The following TCF20 variants were observed in gnomAD, a reference collection of about 807,000 sequenced individuals.
TCF20 encodes the protein transcription factor 20, also known as SPRE-binding protein.
Under a neutral mutation model 148.6 loss-of-function variants are expected in TCF20, and 3 were observed. The observed-to-expected ratio is 0.02, with a 90% confidence interval of 0.01 to 0.05. TCF20 has a LOEUF of 0.05. Among genes scored for constraint, TCF20 ranks in the 10% least tolerant of loss-of-function variants. The pLI is 1.00. For missense variants in TCF20, 2,350 were observed against 2,429.3 expected, an observed-to-expected ratio of 0.97 and a Z score of 0.69; for synonymous variants, 1,049 against 909.5, an observed-to-expected ratio of 1.15 and a Z score of -2.76.
intron 2 of TCF20, among the ~76,000 whole-genome samples, chr22:42,199,701 C>G (rs897451932): frequency 1.3e-4 from 11 of 83,018 alleles, no homozygotes; most frequent in Non-Finnish European, 2.5e-4. Flanking sequence ...AAAACCCCAT[C>G]TCTACAAAAA....
At chr22:42,334,573 G>C (rs944909508) in intron 1 of TCF20, among the ~76,000 whole-genome samples, 1 of 152,260 alleles carries the variant, frequency 6.6e-6, no homozygotes. Context: ...AGGTGGTTCC[G>C]AGTCAACAAC....
chr22:42,182,698 C>CA (rs1326083688), intron 2 of TCF20, among the ~76,000 whole-genome samples: 1 of 152,212 alleles, frequency 6.6e-6, no homozygotes, highest in Non-Finnish European at 1.5e-5. Context: ...GGAACAGCAG[C>CA]ATCAGCAACA....
rs1490639339 is a variant in TCF20, at chr22:42,317,529, T to C, written c.-37+25950A>G. On this transcript the variant is annotated intron_variant, in intron 1 of 1. Coordinates refer to the TCF20 transcript ENST00000515426. This position sits in a 1 kb window ranked among gnomAD's most constrained non-coding sequence, Gnocchi z 4.2. ...CATTACCCACTCACTACCTGGTACA[T>C]GGGCAAAGAAAAATACCCCCATCTC... 6.6e-6 allele frequency among the ~76,000 whole-genome samples: 1 copy of C among 152,068 alleles called. No homozygotes were observed. Among genetic ancestry groups the C allele is most frequent in the African/African-American group, 2.4e-5 (1 of 41,402 alleles).
intron 5 of TCF20, among the ~76,000 whole-genome samples, chr22:42,166,759 T>C (rs1333653225): frequency 1.3e-5 from 2 of 152,020 alleles, no homozygotes; most frequent in East Asian, 3.9e-4. Flanking sequence ...CAGATGCAAT[T>C]CCAGGACAAA....
chr22:42,163,564 C>T (rs1347147007), intron 5 of TCF20, among the ~76,000 whole-genome samples: 4 of 152,226 alleles, frequency 2.6e-5, no homozygotes, highest in Admixed American at 6.5e-5. Flanking sequence ...TCTGCCTGAC[C>T]CCCATCTTCA....
At chr22:42,229,571 A>T (rs1011554434) in intron 1 of TCF20, among the ~76,000 whole-genome samples, 3 of 152,160 alleles carry the variant, frequency 2.0e-5, no homozygotes, top group African/African-American at 7.2e-5. Flanking sequence ...GAGGGTCAGA[A>T]GATAGGGTGC....
chr22:42,292,141 C>T lies in TCF20; in HGVS notation c.-37+51338G>A, dbSNP rs1927144820. On this transcript the variant is annotated intron_variant, in intron 1 of 1. Coordinates refer to the TCF20 transcript ENST00000515426. The surrounding 1 kb of genome is among the most constrained non-coding windows in gnomAD (Gnocchi z 4.9). ...AGATAAAGAAACTTAGCACAGCACC[C>T]ATAGGCCCTCCTGTCATGCTGGGCT... 1.3e-5 allele frequency among the ~76,000 whole-genome samples: 2 copies of T among 152,202 alleles called. No individual in the cohort carries two copies. Among genetic ancestry groups the T allele is most frequent in the Non-Finnish European group, 2.9e-5 (2 of 68,030 alleles).
At chr22:42,336,942 C>T (rs572898725) in intron 1 of TCF20, among the ~76,000 whole-genome samples, 27 of 152,356 alleles carry the variant, frequency 1.8e-4, no homozygotes, top group African/African-American at 5.5e-4. Context: ...CCCATAGCCA[C>T]GTATCTTCTT....
chr22:42,235,081 G>A (rs1422839967), intron 1 of TCF20, among the ~76,000 whole-genome samples: 1 of 150,522 alleles, frequency 6.6e-6, no homozygotes, highest in African/African-American at 2.4e-5. Flanking sequence ...GACAGAAGTT[G>A]CAGTGAGCCG....
intron 5 of TCF20, among the ~76,000 whole-genome samples, chr22:42,165,394 G>A (rs554161629): frequency 3.3e-5 from 5 of 152,360 alleles, no homozygotes; most frequent in African/African-American, 7.2e-5. Context: ...CACAGGGCCT[G>A]TTAGGGCAAG....
chr22:42,239,709 C>T (rs751355835), intron 1 of TCF20, among the ~76,000 whole-genome samples: 7 of 152,252 alleles, frequency 4.6e-5, no homozygotes, highest in Non-Finnish European at 8.8e-5. Flanking sequence ...ATCGCTAGAA[C>T]CCAGGAGGTG....
At chr22:42,289,971 C>A (rs1214155122) in intron 1 of TCF20, among the ~76,000 whole-genome samples, 1 of 152,280 alleles carries the variant, frequency 6.6e-6, no homozygotes, top group Non-Finnish European at 1.5e-5. Flanking sequence ...CGAACTCCCA[C>A]CGCTAATCGC....
intron 1 of TCF20, among the ~76,000 whole-genome samples, chr22:42,282,892 C>G (rs1274567531): frequency 1.2e-5 from 1 of 86,856 alleles, no homozygotes; most frequent in Non-Finnish European, 3.0e-5. Context: ...AAGGGAGGGC[C>G]AAATAAAGCC....
intron 1 of TCF20, among the ~76,000 whole-genome samples, chr22:42,314,411 C>T (rs1927593047): frequency 6.6e-6 from 1 of 152,258 alleles, no homozygotes; most frequent in Non-Finnish European, 1.5e-5. Context: ...AAAATGATTT[C>T]CCCATGGCCA....
At position 42,338,150 on chromosome 22, in the gene TCF20, C is replaced by T. The variant is rs955799809; in HGVS notation, c.-37+5329G>A. Among the ~76,000 whole-genome samples the T allele has an allele frequency of 2.0e-5, 3 of 152,220 alleles. No homozygotes were observed. Among genetic ancestry groups the T allele is most frequent in the African/African-American group, 7.2e-5 (3 of 41,460 alleles). On this transcript the variant is annotated intron_variant, in intron 1 of 1. Transcript: ENST00000515426. This position sits in a 1 kb window ranked among gnomAD's most constrained non-coding sequence, Gnocchi z 4.0. ...CACAACTCCCGCCTCGGTCTCCACG[C>T]GTCCCCTGAGATCCCCCACCGCCCT...
chr22:42,242,227 A>AAAAAAAAAAAAAAAAAAAAAAAAAAAAT lies in TCF20; in HGVS notation c.-36-26887_-36-26886insATTTTTTTTTTTTTTTTTTTTTTTTTTT, dbSNP rs1491280192. Among the ~76,000 whole-genome samples the AAAAAAAAAAAAAAAAAAAAAAAAAAAAT allele has an allele frequency of 4.0e-4, 49 of 122,742 alleles. 3 individuals carry two copies. Among genetic ancestry groups the AAAAAAAAAAAAAAAAAAAAAAAAAAAAT allele is most frequent in the Middle Eastern group, 4.3e-3 (1 of 232 alleles). 80.5% of individuals were successfully genotyped at this position (122,742 alleles called of 152,430 possible). ...CAAAAAAAAAAAAAAAAAAAAAAAA[A>AAAAAAAAAAAAAAAAAAAAAAAAAAAAT]CAGAAAAGAAAGGGTGACTACAAGG... On this transcript the variant is annotated intron_variant, in intron 1 of 5. Transcript: ENST00000677622.
rs370721651 is a variant in TCF20, at chr22:42,161,288, T to C, written c.*115A>G. ...CGGGGCGGGGCGGGGCAGGGCAGGG[T>C]GTGGCTGCACGGTAGGACGATTTCC... On this transcript the variant is annotated 3_prime_UTR_variant, in exon 6 of 6. Coordinates refer to ENST00000677622, the MANE Select transcript of TCF20 (RefSeq NM_001378418.1). The C allele has an allele frequency of 4.4e-6, 7 of 1,607,132 alleles. No individual in the cohort carries two copies. The highest frequency in any genetic ancestry group is 1.1e-5 in the South Asian group (1 of 90,460).
chr22:42,161,539 G>A (rs1192682649), intron 5 of TCF20, among the ~76,000 whole-genome samples, 181 bp from the exon 6 acceptor site: 1 of 152,198 alleles, frequency 6.6e-6, no homozygotes, highest in Non-Finnish European at 1.5e-5. Flanking sequence ...GTGTGGCTCT[G>A]GATCTGGAAT....
chr22:42,278,480 C>G (rs906090763), intron 1 of TCF20: 1 of 152,276 alleles, frequency 6.6e-6, no homozygotes, highest in South Asian at 2.1e-4. Flanking sequence ...CTCAGGATGT[C>G]TGTCACGCCA....
Sources: allele counts gnomAD v4.1 joint callset (sites outside exome capture counted in the v4.1 genomes callset), GRCh38; gene constraint gnomAD v4.1.1; non-coding constraint Gnocchi (gnomAD v3.1); transcripts MANE v1.5; gene names NCBI Gene and HGNC (gene_info 2026-07-23, HGNC 2026-07-21).